KPNA3: variants seen among roughly 807,000 people sequenced by gnomAD.
KPNA3 encodes the protein importin subunit alpha-4.
Under a neutral mutation model 73.8 loss-of-function variants are expected in KPNA3, and 13 were observed. The observed-to-expected ratio is 0.18, with a 90% CI of 0.11 to 0.28. KPNA3 has a LOEUF of 0.28. Ranked by LOEUF, KPNA3 falls within the 10% of genes least tolerant of loss-of-function variation. The pLI is 1.00. For missense variants in KPNA3, 360 were observed against 618.1 expected (o/e 0.58, Z 4.43); for synonymous variants, 186 against 206.9 (o/e 0.90, Z 0.87).
At chr13:49,736,790 A>G (rs1315653009) in intron 2 of KPNA3, among the ~76,000 whole-genome samples, 1 of 146,148 alleles carries the variant, frequency 6.8e-6, no homozygotes, top group African/African-American at 2.5e-5. Context: ...TTCCAAAAAC[A>G]CAAGATGCAT....
intron 1 of KPNA3, among the ~76,000 whole-genome samples, chr13:49,783,160 C>A (rs1954955144): frequency 6.6e-6 from 1 of 151,400 alleles, no homozygotes; most frequent in Admixed American, 6.6e-5. Flanking sequence ...TCTCAAGAAC[C>A]AAGAAAACAA....
chr13:49,713,244 T>C, intron 10 of KPNA3, among the ~76,000 whole-genome samples: 1 of 152,064 alleles, frequency 6.6e-6, no homozygotes. Flanking sequence ...ACAACAGTTA[T>C]AAACATCTAT....
chr13:49,782,813 G>A (rs1231629263), intron 1 of KPNA3, among the ~76,000 whole-genome samples: 3 of 151,808 alleles, frequency 2.0e-5, no homozygotes, highest in Non-Finnish European at 4.4e-5. Flanking sequence ...AGTGAGCCGT[G>A]ATTGTGCCAC....
In KPNA3 at chr13:49,699,400, C is replaced by T. The variant is rs974159663; in HGVS notation, c.*2400G>A. On this transcript the variant is annotated 3_prime_UTR_variant, in exon 17 of 17. Transcript: ENST00000261667. ...ACAAAATTAGGAACACATTTAGATG[C>T]CTCTTTTGAAAGAACGTTTTAGTCT... 1.3e-5 allele frequency: 2 copies of T among 152,382 alleles called. No individual in the cohort carries two copies. The highest frequency in any genetic ancestry group is 4.8e-5 in the African/African-American group (2 of 41,366). The allele number at this position is 152,382 out of a possible 1,614,324, so 9.4% of individuals were successfully genotyped here.
intron 12 of KPNA3, among the ~76,000 whole-genome samples, chr13:49,707,701 A>T (rs965769197): frequency 7.7e-4 from 116 of 151,534 alleles, no homozygotes; most frequent in African/African-American, 2.3e-3. Flanking sequence ...ATTTAGCTAA[A>T]AAAAAAAAAA....
intron 1 of KPNA3, among the ~76,000 whole-genome samples, chr13:49,750,973 C>T (rs1954657878): frequency 6.6e-6 from 1 of 151,374 alleles, no homozygotes; most frequent in South Asian, 2.1e-4. Context: ...GCCTGGGCAA[C>T]AGAGTGAGAT....
chr13:49,732,673 T>G lies in KPNA3; in HGVS notation c.235-16A>C. ...TTGTGGCATTCTGCAATACCAAATG[T>G]AAATTTCAGAAATGAAAAAAAAAAA... On this transcript the variant is annotated splice_polypyrimidine_tract_variant and intron_variant, in intron 4 of 16. Coordinates refer to ENST00000261667, the MANE Select transcript of KPNA3 (RefSeq NM_002267.4). 1 of 1,587,584 alleles carries G rather than the reference T, an allele frequency of 6.3e-7. No individual in the cohort carries two copies. Among genetic ancestry groups the G allele is most frequent in the East Asian group, 2.3e-5 (1 of 43,562 alleles).
intron 2 of KPNA3, among the ~76,000 whole-genome samples, chr13:49,738,627 T>C (rs1266621830): frequency 1.3e-5 from 2 of 152,238 alleles, no homozygotes; most frequent in Non-Finnish European, 2.9e-5. Flanking sequence ...AAAATTGTAT[T>C]GTTTTTAATT....
At chr13:49,728,127 C>T (rs1327513628) in intron 6 of KPNA3, among the ~76,000 whole-genome samples, 3 of 151,004 alleles carry the variant, frequency 2.0e-5, no homozygotes, top group East Asian at 2.0e-4. Flanking sequence ...CCCAGCTACT[C>T]GGGAGGCTGA....
rs1389187202 is a variant in KPNA3 at position 49,700,461 on chromosome 13, G to A, written c.*1339C>T. The stretch of plus-strand genomic sequence containing the variant: ...TATTCTTTCATTAATAACTGGGTCA[G>A]ACAATTTACCAAAAGCAATAACTTG... On this transcript the variant is annotated 3_prime_UTR_variant, in exon 17 of 17. Transcript: ENST00000261667. The A allele has an allele frequency of 2.6e-5, 4 of 152,602 alleles. No individual in the cohort carries two copies. Among genetic ancestry groups the A allele is most frequent in the Non-Finnish European group, 5.9e-5 (4 of 68,034 alleles). The allele number at this position is 152,602 out of a possible 1,614,324, so 9.5% of individuals were successfully genotyped here.
At chr13:49,750,974 A>AT (rs1212426584) in intron 1 of KPNA3, among the ~76,000 whole-genome samples, 6 of 152,224 alleles carry the variant, frequency 3.9e-5, no homozygotes, top group Admixed American at 1.3e-4. Flanking sequence ...CCTGGGCAAC[A>AT]GAGTGAGATT....
intron 1 of KPNA3, among the ~76,000 whole-genome samples, chr13:49,777,176 T>G (rs1278585891): frequency 6.6e-6 from 1 of 152,250 alleles, no homozygotes; most frequent in Non-Finnish European, 1.5e-5. Context: ...CTATTCAGCT[T>G]TCTACCTTTC....
chr13:49,705,463 C>T (rs746333005), intron 15 of KPNA3, among the ~76,000 whole-genome samples, 158 bp downstream of exon 15: 2 of 152,006 alleles, frequency 1.3e-5, no homozygotes, highest in Non-Finnish European at 2.9e-5. Context: ...GGAAAATCCT[C>T]TTGGAATGCA....
intron 2 of KPNA3, among the ~76,000 whole-genome samples, chr13:49,745,880 G>A (rs1594447585): frequency 1.3e-5 from 2 of 151,104 alleles, no homozygotes; most frequent in Admixed American, 1.3e-4. Context: ...TGGCTAACAC[G>A]GTGAAACCCC....
chr13:49,708,356 A>AT (rs997676664), intron 12 of KPNA3, among the ~76,000 whole-genome samples: 2 of 152,034 alleles, frequency 1.3e-5, no homozygotes, highest in Non-Finnish European at 2.9e-5. Context: ...ATTGTCAGTA[A>AT]TTTTTTTTAA....
Position 49,734,950 on chromosome 13 carries a change from T to G in KPNA3, c.115-1904A>C, listed in dbSNP as rs905554484. Among the ~76,000 whole-genome samples, 587 of 76,112 alleles carry G rather than the reference T, an allele frequency of 7.7e-3. 2 individuals are homozygous for G. The highest frequency in any genetic ancestry group is 0.011 in the Admixed American group (72 of 6,268). The allele number at this position is 76,112 out of a possible 152,430, so 49.9% of individuals were successfully genotyped here. On this transcript the variant is annotated intron_variant, in intron 2 of 16. Transcript: ENST00000261667. ...ATATATATATATATAGAGAGAGAGA[T>G]AGATAGAGAGAGAGAGAGAGAGAGA...
At chr13:49,789,815 T>C (rs1955017984) in intron 1 of KPNA3, among the ~76,000 whole-genome samples, 1 of 152,206 alleles carries the variant, frequency 6.6e-6, no homozygotes, top group Non-Finnish European at 1.5e-5. Flanking sequence ...TAGTCTGGAA[T>C]GCCCCTTTCT....
chr13:49,719,883 CTT>C, intron 9 of KPNA3, 64 bp from the exon 10 acceptor site: 1 of 1,072,208 alleles, frequency 9.3e-7, no homozygotes, highest in Non-Finnish European at 1.4e-6. Flanking sequence ...AAATGAACAA[CTT>C]TGACATAAAA....
intron 1 of KPNA3, among the ~76,000 whole-genome samples, chr13:49,778,939 A>G (rs987336850): frequency 1.3e-5 from 2 of 152,216 alleles, no homozygotes; most frequent in Non-Finnish European, 2.9e-5. Context: ...ATGATAAAAC[A>G]CATAATTAAA....
Sources: gnomAD v4.1 joint callset for allele counts (sites outside exome capture counted in the v4.1 genomes callset) on GRCh38, gnomAD v4.1.1 for gene constraint, MANE v1.5 for transcripts, NCBI Gene and HGNC (gene_info 2026-07-23, HGNC 2026-07-21) for gene names.